The following MAPRE2 variants were observed in gnomAD, a reference collection of about 807,000 sequenced individuals.
MAPRE2 encodes microtubule-associated protein RP/EB family member 2.
MAPRE2 carries 13 observed loss-of-function variants against 43.2 expected under a neutral mutation model. That is an observed-to-expected ratio of 0.30 (90% CI 0.20 to 0.48). The LOEUF is 0.48. Ranked by LOEUF, MAPRE2 falls within the 20% of genes least tolerant of loss-of-function variation. MAPRE2 has a pLI of 0.99. For synonymous variants in MAPRE2, 135 were observed against 148.8 expected (o/e 0.91, Z 0.68); for missense variants, 161 against 400.2 (o/e 0.40, Z 5.10).
chr18:35,011,066 G>C (rs370700149), intron 2 of MAPRE2, among the ~76,000 whole-genome samples: 1 of 152,150 alleles, frequency 6.6e-6, no homozygotes, highest in South Asian at 2.1e-4. Flanking sequence ...TAGATTTTGC[G>C]TGAGACAGTC....
intron 1 of MAPRE2, among the ~76,000 whole-genome samples, chr18:34,999,526 G>A (rs1005998582): frequency 6.6e-6 from 1 of 152,112 alleles, no homozygotes; most frequent in Non-Finnish European, 1.5e-5. Flanking sequence ...TTATTTTATT[G>A]TAACTATCAT....
At chr18:35,110,009 G>C (rs1220501913) in intron 4 of MAPRE2, among the ~76,000 whole-genome samples, 1 of 151,592 alleles carries the variant, frequency 6.6e-6, no homozygotes, top group African/African-American at 2.4e-5. Flanking sequence ...AATTTTTTAG[G>C]GGTTGCTCTA....
intron 1 of MAPRE2, among the ~76,000 whole-genome samples, chr18:34,996,269 G>T (rs2097026476): frequency 3.3e-5 from 5 of 152,076 alleles, no homozygotes; most frequent in Admixed American, 3.3e-4. Flanking sequence ...TCCATAGACT[G>T]GGGGTAGGGT....
At chr18:35,097,416 C>T (rs768431860) in intron 2 of MAPRE2, 30 bp from the exon 3 acceptor site, 1 of 1,601,102 alleles carries the variant, frequency 6.2e-7, no homozygotes, top group Non-Finnish European at 8.5e-7. Flanking sequence ...CAGTGAGACT[C>T]ACTCCAGTAC....
chr18:35,030,219 G>A (rs530791325), intron 2 of MAPRE2, among the ~76,000 whole-genome samples: 54 of 151,962 alleles, frequency 3.6e-4, no homozygotes, highest in South Asian at 3.5e-3. Context: ...ATCCTGTACA[G>A]CCTCCCATCC....
At chr18:35,110,605 G>T (rs1197798500) in intron 4 of MAPRE2, among the ~76,000 whole-genome samples, 1 of 152,066 alleles carries the variant, frequency 6.6e-6, no homozygotes, top group African/African-American at 2.4e-5. Flanking sequence ...AAGGACTTTT[G>T]TTAGGATTTC....
chr18:35,041,366 T>C (rs1244607043), upstream of MAPRE2: 14 of 1,453,398 alleles, frequency 9.6e-6, no homozygotes, highest in South Asian at 1.7e-4. Context: ...TGACGTCAGC[T>C]GCCAGAGGGC....
intron 2 of MAPRE2, among the ~76,000 whole-genome samples, chr18:35,030,598 A>G (rs962312449): frequency 6.6e-6 from 1 of 152,208 alleles, no homozygotes; most frequent in Non-Finnish European, 1.5e-5. Flanking sequence ...TGTTAAGCAT[A>G]GCACTTGGCC....
chr18:34,997,239 A>G (rs2097026950), intron 1 of MAPRE2, among the ~76,000 whole-genome samples: 1 of 152,224 alleles, frequency 6.6e-6, no homozygotes, highest in Non-Finnish European at 1.5e-5. Flanking sequence ...GGATATTGCA[A>G]TGGCTTGTGG....
At chr18:35,053,403 AAAAT>A (rs1906051906) in intron 1 of MAPRE2, among the ~76,000 whole-genome samples, 1 of 152,156 alleles carries the variant, frequency 6.6e-6, no homozygotes, top group Non-Finnish European at 1.5e-5. Flanking sequence ...CATAAAAAAT[AAAAT>A]AAAAATAAAA....
intron 1 of MAPRE2, among the ~76,000 whole-genome samples, chr18:34,990,486 AT>A (rs571135716): frequency 6.6e-5 from 10 of 152,040 alleles, no homozygotes; most frequent in Non-Finnish European, 1.5e-4. Context: ...GTGTTGGGAT[AT>A]TTTTGTCTGG....
At chr18:35,060,887 T>A (rs1603396078) in intron 1 of MAPRE2, among the ~76,000 whole-genome samples, 1 of 152,204 alleles carries the variant, frequency 6.6e-6, no homozygotes, top group Non-Finnish European at 1.5e-5. Flanking sequence ...TTGTAGGCGG[T>A]TGGAGACACC....
intron 1 of MAPRE2, chr18:34,978,339 C>G: frequency 1.5e-6 from 1 of 667,802 alleles, no homozygotes; most frequent in Non-Finnish European, 2.7e-6. Flanking sequence ...CCGCGCGCAC[C>G]GAAACGGAAG....
rs966573736 is a variant in MAPRE2 at position 35,110,624 on chromosome 18, C to A, written c.610+8465C>A. On this transcript the variant is annotated intron_variant, in intron 4 of 6. Coordinates refer to ENST00000300249, the MANE Select transcript of MAPRE2 (RefSeq NM_014268.4). ...ACTTTTGTTAGGATTTCTTATCCTG[C>A]AGGTCCAGTGGCAAAAATTATTTTA... Among the ~76,000 whole-genome samples the A allele has an allele frequency of 2.6e-5, 4 of 152,122 alleles. No homozygotes were observed. In the East Asian group the frequency reaches 5.8e-4, roughly 22 times the overall value.
At chr18:35,024,334 G>A (rs774051989) in intron 2 of MAPRE2, among the ~76,000 whole-genome samples, 3 of 152,172 alleles carry the variant, frequency 2.0e-5, no homozygotes, top group Non-Finnish European at 2.9e-5. Flanking sequence ...CAACCCCTCT[G>A]TAAATGATGA....
chr18:35,068,011 C>T (rs1906918884), intron 1 of MAPRE2, among the ~76,000 whole-genome samples: 4 of 152,038 alleles, frequency 2.6e-5, no homozygotes, highest in African/African-American at 7.2e-5. Context: ...CAGATCCTTA[C>T]GAGAAGACAA....
chr18:35,100,000 G>C (rs1908600127), intron 3 of MAPRE2, among the ~76,000 whole-genome samples: 1 of 152,166 alleles, frequency 6.6e-6, no homozygotes, highest in Admixed American at 6.5e-5. Flanking sequence ...AGCTCCCACA[G>C]TGGCAAAGCC....
Position 35,025,573 on chromosome 18 carries a change from TTCA to T in MAPRE2, c.-8+20021_-8+20023del, listed in dbSNP as rs1399086463. On this transcript the variant is annotated intron_variant, in intron 2 of 7. Transcript: ENST00000413393. ...TGAATGTTCCCAACTCTATGTGCTC[TTCA>T]CCCTAGGAGGACAGGGACTCAGAGG... Among the ~76,000 whole-genome samples the T allele has an allele frequency of 6.3e-4, 96 of 152,318 alleles. 1 individual carries two copies. Among genetic ancestry groups the T allele is most frequent in the Non-Finnish European group, 7.4e-5 (5 of 68,018 alleles).
chr18:35,042,986 G>A (rs891861628), intron 1 of MAPRE2, among the ~76,000 whole-genome samples: 1 of 151,852 alleles, frequency 6.6e-6, no homozygotes, highest in Non-Finnish European at 1.5e-5. Context: ...ATAAATACTT[G>A]GAGTTAATTT....
Sources: allele counts gnomAD v4.1 joint callset (sites outside exome capture counted in the v4.1 genomes callset), GRCh38; gene constraint gnomAD v4.1.1; transcripts MANE v1.5; gene names NCBI Gene and HGNC (gene_info 2026-07-23, HGNC 2026-07-21).